Variants in LRRC14 observed in about 807,000 individuals in gnomAD.
LRRC14 encodes leucine rich repeat containing 14, also known as leucine-rich repeat-containing protein 14.
A neutral mutation model predicts 25.3 loss-of-function variants in LRRC14; 16 were observed. That is an observed-to-expected ratio of 0.63 (90% CI 0.43 to 0.96). The LOEUF (loss-of-function observed/expected upper bound fraction) is 0.96, where lower values mean the gene tolerates loss of function less well. Ranked by LOEUF, LRRC14 falls within the 40% of genes least tolerant of loss-of-function variation. LRRC14 has a pLI of 0.00. For missense variants in LRRC14, 594 were observed against 660.5 expected (o/e 0.90, Z 1.10); for synonymous variants, 359 against 295.1 (o/e 1.22, Z -2.22).
rs776693030 is a variant in LRRC14 at position 144,519,818 on chromosome 8, C to A, written c.93C>A (p.Phe31Leu). ...TGCCCTTGCTGCCACGCGAACTCTTCCCCCTGCTGTTCAAGGTGGCCTTCA... is the reference window on the plus strand; with the variant it reads ...TGCCCTTGCTGCCACGCGAACTCTTACCCCTGCTGTTCAAGGTGGCCTTCA... The part of the protein sequence containing the change: ...QALPLLPREL[F>L]PLLFKVAFMD... The change falls in exon 2 of 4, where the codon TTC becomes TTA. Residue 31 changes from phenylalanine (F) to leucine (L), a missense_variant. Phe to Leu is a conservative substitution (Grantham distance 22). Coordinates refer to ENST00000292524, the MANE Select transcript of LRRC14 (RefSeq NM_014665.4). The A allele has an allele frequency of 6.2e-7, 1 of 1,613,258 alleles. No individual in the cohort carries two copies. The highest frequency in any genetic ancestry group is 2.2e-5 in the East Asian group (1 of 44,888).
In LRRC14 at chr8:144,524,451, A is replaced by C; in HGVS notation, c.*2973A>C. 1 of 1,597,978 alleles carries C rather than the reference A, an allele frequency of 6.3e-7. No homozygotes were observed. Among genetic ancestry groups the C allele is most frequent in the Non-Finnish European group, 8.5e-7 (1 of 1,179,840 alleles). On this transcript the variant is annotated 3_prime_UTR_variant, in exon 4 of 4. Transcript: ENST00000292524. ...ACCCCAGGCGCTCACCGGCAGGTGC[A>C]AGAAGGTGAAATCCAGCAGCCGCGC...
chr8:144,519,690 C>G lies in LRRC14; in HGVS notation c.-36C>G. ...GGGTCTCTCCTCCCTGCTGAAGTCC[C>G]TCTCCTGCAGGTGGCCGTCTGCCCG... is the stretch of plus-strand genomic sequence containing the variant. On this transcript the variant is annotated 5_prime_UTR_variant, in exon 2 of 4. Coordinates refer to ENST00000292524, the MANE Select transcript of LRRC14 (RefSeq NM_014665.4). 6.4e-7 allele frequency: 1 copy of G among 1,554,006 alleles called. No individual in the cohort carries two copies. The highest frequency in any genetic ancestry group is 1.2e-5 in the South Asian group (1 of 86,824).
In LRRC14 at chr8:144,524,743, C is replaced by T. The variant is rs1354883368; in HGVS notation, c.*3265C>T. On this transcript the variant is annotated 3_prime_UTR_variant, in exon 4 of 4. Transcript: ENST00000292524. ...GTCTGCAGGCCGGGGAAAGAGGAGGCGCTTACCCCGTTGCGGGGGTCTTCC... is the reference window on the plus strand; with the variant it reads ...GTCTGCAGGCCGGGGAAAGAGGAGGTGCTTACCCCGTTGCGGGGGTCTTCC... The T allele has an allele frequency of 4.9e-6, 7 of 1,439,726 alleles. No homozygotes were observed. Among genetic ancestry groups the T allele is most frequent in the Middle Eastern group, 2.0e-4 (1 of 4,998 alleles). 89.2% of individuals were successfully genotyped at this position (1,439,726 alleles called of 1,614,324 possible). A position where few individuals can be genotyped will look rare whatever the true frequency, so the allele number is the denominator to read the frequency against.
In LRRC14 at chr8:144,520,369, G is replaced by C; in HGVS notation, c.461G>C (p.Gly154Ala). Residue 154 changes from glycine (G) to alanine (A), a missense_variant, in exon 3 of 4, where the codon GGG (glycine) becomes GCG (alanine). Physicochemically the swap from Gly to Ala is moderately conservative, Grantham distance 60. Transcript: ENST00000292524. ...ARTCIAQQQG[G>A]AAEPGPAPIP... ...ACATGCATTGCCCAGCAGCAGGGTG[G>C]GGCCGCAGAGCCTGGGCCAGCCCCC... The C allele has an allele frequency of 6.2e-7, 1 of 1,610,754 alleles. No individual in the cohort carries two copies. The highest frequency in any genetic ancestry group is 8.5e-7 in the Non-Finnish European group (1 of 1,179,540).
At position 144,520,779 on chromosome 8, in the gene LRRC14, A is replaced by C. The variant is rs751871089; in HGVS notation, c.871A>C (p.Met291Leu). Residue 291 changes from methionine (M) to leucine (L), a missense_variant, in exon 3 of 4, where the codon ATG becomes CTG. By Grantham distance (15) the Met-to-Leu change is conservative. Coordinates refer to ENST00000292524, the MANE Select transcript of LRRC14 (RefSeq NM_014665.4). ...CTTCACCTGTCTGCGTGAGCTCAGC[A>C]TGGGCTCCTCTCTCCTTTCAGGGAG... ...GRFTCLRELS[M>L]GSSLLSGRLD... 12 of 1,598,440 alleles carry C rather than the reference A, an allele frequency of 7.5e-6. No homozygotes were observed. The highest frequency in any genetic ancestry group is 1.6e-4 in the Middle Eastern group (1 of 6,082).
rs1252626655 is a variant in LRRC14, at chr8:144,525,030, C to T, written c.*3552C>T. ...CCGCGGTTCAGCCGCAGACGCGTGC[C>T]CTCCTGAAACACAGGTTGGCAGGCC... On this transcript the variant is annotated 3_prime_UTR_variant, in exon 4 of 4. Coordinates refer to ENST00000292524, the MANE Select transcript of LRRC14 (RefSeq NM_014665.4). The T allele has an allele frequency of 5.1e-6, 7 of 1,376,218 alleles. No individual in the cohort carries two copies. The highest frequency in any genetic ancestry group is 2.9e-5 in the East Asian group (1 of 34,824). 85.3% of individuals were successfully genotyped at this position (1,376,218 alleles called of 1,614,324 possible).
rs141830884 is a variant in LRRC14 at position 144,520,613 on chromosome 8, C to A, written c.705C>A (p.Arg235=). 6.2e-7 allele frequency: 1 copy of A among 1,601,656 alleles called. No homozygotes were observed. Among genetic ancestry groups the A allele is most frequent in the Non-Finnish European group, 8.5e-7 (1 of 1,179,942 alleles). ...VDLRFNNLGL[R]GLSVIIPHVA... ...TGCGCTTCAACAATCTGGGCCTGCG[C>A]GGCCTGTCTGTGATCATCCCACACG... Residue 235 remains arginine (R), a synonymous_variant, in exon 3 of 4, where the codon CGC becomes CGA. Coordinates refer to ENST00000292524, the MANE Select transcript of LRRC14 (RefSeq NM_014665.4).
In LRRC14 at chr8:144,523,749, C is replaced by A; in HGVS notation, c.*2271C>A. Reference sequence around the variant, plus strand: ...CATAGACATCTCACCAGCACTGAAACCTCACAAGTCCTCTCAGCCTTGCCT... The same window carrying A: ...CATAGACATCTCACCAGCACTGAAAACTCACAAGTCCTCTCAGCCTTGCCT... On this transcript the variant is annotated 3_prime_UTR_variant, in exon 4 of 4. Coordinates refer to ENST00000292524, the MANE Select transcript of LRRC14 (RefSeq NM_014665.4). 1 of 413,108 alleles carries A rather than the reference C, an allele frequency of 2.4e-6. No homozygotes were observed. Among genetic ancestry groups the A allele is most frequent in the Non-Finnish European group, 4.3e-6 (1 of 232,850 alleles). The allele number at this position is 413,108 out of a possible 1,614,324, so 25.6% of individuals were successfully genotyped here.
rs13277542 is a variant in LRRC14 at position 144,522,536 on chromosome 8, T to A, written c.*1058T>A. ...GCGGAGTCCCGGCCCCGCCCCCTGTTCCGGGCCGCAGTCAGCGGGCGCCTC... is the reference window on the plus strand; with the variant it reads ...GCGGAGTCCCGGCCCCGCCCCCTGTACCGGGCCGCAGTCAGCGGGCGCCTC... On this transcript the variant is annotated 3_prime_UTR_variant, in exon 4 of 4. Coordinates refer to ENST00000292524, the MANE Select transcript of LRRC14 (RefSeq NM_014665.4). 1.3e-6 allele frequency: 2 copies of A among 1,520,502 alleles called. No homozygotes were observed. Among genetic ancestry groups the A allele is most frequent in the Admixed American group, 4.2e-5 (2 of 47,248 alleles). 94.2% of individuals were successfully genotyped at this position (1,520,502 alleles called of 1,614,324 possible).
rs774781015 is a variant in LRRC14 at position 144,520,346 on chromosome 8, A to C, written c.438A>C (p.Thr146=). ...ACTGTACTGCTGCCGTAGCTCGCAC[A>C]TGCATTGCCCAGCAGCAGGGTGGGG... The part of the protein sequence containing the change: ...MWDCTAAVAR[T]CIAQQQGGAA... Residue 146 remains threonine (T), a synonymous_variant, in exon 3 of 4, where the codon ACA becomes ACC. Coordinates refer to ENST00000292524, the MANE Select transcript of LRRC14 (RefSeq NM_014665.4). The C allele has an allele frequency of 2.5e-6, 4 of 1,611,960 alleles. No individual in the cohort carries two copies. In the South Asian group the frequency reaches 4.4e-5, roughly 18 times the overall value.
chr8:144,520,158 G>A (rs1005449138), intron 2 of LRRC14, 80 bp from the exon 3 acceptor site: 26 of 1,564,264 alleles, frequency 1.7e-5, no homozygotes, highest in East Asian at 2.2e-5. Flanking sequence ...GAGCAGGCGC[G>A]TTGCTCCTGT....
Position 144,524,332 on chromosome 8 carries a change from GTC to G in LRRC14, c.*2860_*2861del. 3 of 1,600,732 alleles carry G rather than the reference GTC, an allele frequency of 1.9e-6. No homozygotes were observed. Among genetic ancestry groups the G allele is most frequent in the South Asian group, 1.1e-5 (1 of 91,020 alleles). ...AAAAGGGCGCCGAGGTTGGGGGCATGTCTCTCTTCTTACCAAGCTAGACTGGG... is the reference window on the plus strand; with the variant it reads ...AAAAGGGCGCCGAGGTTGGGGGCATGTCTCTTCTTACCAAGCTAGACTGGG... On this transcript the variant is annotated 3_prime_UTR_variant, in exon 4 of 4. Transcript: ENST00000292524.
chr8:144,524,336 CTCTT>C lies in LRRC14; in HGVS notation c.*2859_*2862del, dbSNP rs911772550. On this transcript the variant is annotated 3_prime_UTR_variant, in exon 4 of 4. Transcript: ENST00000292524. ...GGGCGCCGAGGTTGGGGGCATGTCT[CTCTT>C]CTTACCAAGCTAGACTGGGTTGCCT... 4 of 1,599,540 alleles carry C rather than the reference CTCTT, an allele frequency of 2.5e-6. No homozygotes were observed. In the African/African-American group the frequency reaches 4.0e-5, roughly 16 times the overall value.
rs1393097579 is a variant in LRRC14 at position 144,519,902 on chromosome 8, C to T, written c.177C>T (p.Leu59=). The change falls in exon 2 of 4, where the codon CTC becomes CTT. Residue 59 remains leucine (L), a synonymous_variant. Transcript: ENST00000292524. ...ELVHTWPFPL[L]SFQQLLQECA... Reference sequence around the variant, plus strand: ...TACACACGTGGCCCTTCCCGCTGCTCAGTTTCCAGCAGCTGCTACAGGAGT... The same window carrying T: ...TACACACGTGGCCCTTCCCGCTGCTTAGTTTCCAGCAGCTGCTACAGGAGT... 3.1e-6 allele frequency: 5 copies of T among 1,613,386 alleles called. No individual in the cohort carries two copies. Among genetic ancestry groups the T allele is most frequent in the Non-Finnish European group, 4.2e-6 (5 of 1,180,040 alleles).
Position 144,523,753 on chromosome 8 carries a change from A to G in LRRC14, c.*2275A>G, listed in dbSNP as rs760796465. 1.0e-4 allele frequency: 42 copies of G among 411,680 alleles called. No individual in the cohort carries two copies. The highest frequency in any genetic ancestry group is 1.4e-4 in the Non-Finnish European group (33 of 232,206). The allele number at this position is 411,680 out of a possible 1,614,324, so 25.5% of individuals were successfully genotyped here. The stretch of plus-strand genomic sequence containing the variant: ...GACATCTCACCAGCACTGAAACCTC[A>G]CAAGTCCTCTCAGCCTTGCCTTTGG... On this transcript the variant is annotated 3_prime_UTR_variant, in exon 4 of 4. Transcript: ENST00000292524.
chr8:144,520,520 C>T lies in LRRC14; in HGVS notation c.612C>T (p.Asp204=), dbSNP rs371205164. 6.3e-7 allele frequency: 1 copy of T among 1,599,366 alleles called. No homozygotes were observed. Among genetic ancestry groups the T allele is most frequent in the African/African-American group, 1.3e-5 (1 of 74,922 alleles). The change falls in exon 3 of 4, where the codon GAC becomes GAT. Residue 204 remains aspartate (D), a synonymous_variant. Coordinates refer to ENST00000292524, the MANE Select transcript of LRRC14 (RefSeq NM_014665.4). ...RLCCRDLRAE[D]LPMRNTVALL... is the part of the protein sequence containing the mutation. ...GCTGCCGGGACCTGCGAGCTGAGGACCTGCCCATGCGCAACACTGTGGCCC... is the reference window on the plus strand; with the variant it reads ...GCTGCCGGGACCTGCGAGCTGAGGATCTGCCCATGCGCAACACTGTGGCCC...
chr8:144,522,229 G>C lies in LRRC14; in HGVS notation c.*751G>C, dbSNP rs565570254. ...CCTACTGTGGCCGGCCAGGGCCAGC[G>C]AGGGACCCCCCCCATGCAGAGCTGG... is the stretch of plus-strand genomic sequence containing the variant. On this transcript the variant is annotated 3_prime_UTR_variant, in exon 4 of 4. Coordinates refer to ENST00000292524, the MANE Select transcript of LRRC14 (RefSeq NM_014665.4). 2.6e-5 allele frequency: 12 copies of C among 458,558 alleles called. No individual in the cohort carries two copies. In the South Asian group the frequency reaches 7.6e-4, roughly 29 times the overall value. 28.4% of individuals were successfully genotyped at this position (458,558 alleles called of 1,614,324 possible). A position where few individuals can be genotyped will look rare whatever the true frequency, so the allele number is the denominator to read the frequency against.
At position 144,521,495 on chromosome 8, in the gene LRRC14, G is replaced by A. The variant is rs1816054711; in HGVS notation, c.*17G>A. On this transcript the variant is annotated 3_prime_UTR_variant, in exon 4 of 4. Transcript: ENST00000292524. ...AGCCTATGATGAAGTAGCTCTGGGT[G>A]AGACACAGGCCGCCCTGCAGTCTCT... The A allele has an allele frequency of 6.3e-7, 1 of 1,585,586 alleles. No individual in the cohort carries two copies.
rs746608334 is a variant in LRRC14, at chr8:144,519,978, A to G, written c.253A>G (p.Met85Val). The change falls in exon 2 of 4, where the codon ATG becomes GTG. Residue 85 changes from methionine (M) to valine (V), a missense_variant. Met to Val is a conservative substitution (Grantham distance 21). Transcript: ENST00000292524. ...GCAGGAGCGGCCTAGCACTGAGAGC[A>G]TGCAGGCTGTTATCCTGGGGCTGAC... ...LLQERPSTES[M>V]QAVILGLTAR... The G allele has an allele frequency of 6.2e-7, 1 of 1,612,862 alleles. No individual in the cohort carries two copies. Among genetic ancestry groups the G allele is most frequent in the Non-Finnish European group, 8.5e-7 (1 of 1,180,004 alleles).
Sources: gnomAD v4.1 joint callset for allele counts on GRCh38, gnomAD v4.1.1 for gene constraint, MANE v1.5 for transcripts, NCBI Gene and HGNC (gene_info 2026-07-23, HGNC 2026-07-21) for gene names.